The following TOGARAM1 variants were observed in gnomAD, a reference collection of about 807,000 sequenced individuals.
TOGARAM1 encodes TOG array regulator of axonemal microtubules 1, also known as TOG array regulator of axonemal microtubules protein 1.
TOGARAM1 carries 100 observed loss-of-function variants against 166.6 expected under a neutral mutation model. The ratio of observed to expected loss-of-function variants is 0.60; its 90% CI spans 0.51 to 0.71. The LOEUF (loss-of-function observed/expected upper bound fraction) is 0.71. Ranked by LOEUF, TOGARAM1 falls within the 30% of genes least tolerant of loss-of-function variation. The probability of loss-of-function intolerance (pLI) is 0.00; values close to 1 mark genes in which losing one functional copy is unlikely to be tolerated. For synonymous variants in TOGARAM1, 758 were observed against 763.8 expected (o/e 0.99, Z 0.13); for missense variants, 2,029 against 2,102.7 (o/e 0.96, Z 0.69).
chr14:44,978,106 A>G (rs1245576932), intron 1 of TOGARAM1: 4 of 152,234 alleles, frequency 2.6e-5, no homozygotes, highest in East Asian at 1.9e-4. Flanking sequence ...CAAAATCGTT[A>G]TAAGTTTTTA....
At position 45,045,561 on chromosome 14, in the gene TOGARAM1, ATATATATATATATATATATATATGTGTG is replaced by A. The variant is rs1181774142; in HGVS notation, c.4154+693_4154+720del. Among the ~76,000 whole-genome samples the A allele has an allele frequency of 2.6e-4, 12 of 46,316 alleles. 2 individuals are homozygous for A. Among genetic ancestry groups the A allele is most frequent in the South Asian group, 6.7e-4 (1 of 1,488 alleles). 30.4% of individuals were successfully genotyped at this position (46,316 alleles called of 152,430 possible). Reference sequence around the variant, plus strand: ...TGTGTGTGTATATATATATATATATATATATATATATATATATATATATGTGTGTGTGTGTGTGTGTGTGTGTGTGTGT... The same window carrying A: ...TGTGTGTGTATATATATATATATATATGTGTGTGTGTGTGTGTGTGTGTGT... On this transcript the variant is annotated intron_variant, in intron 13 of 19. Coordinates refer to ENST00000361462, the MANE Select transcript of TOGARAM1 (RefSeq NM_001308120.2).
chr14:45,068,293 G>A (rs983063647), intron 17 of TOGARAM1, 131 bp from the exon 18 acceptor site: 28 of 589,782 alleles, frequency 4.7e-5, no homozygotes, highest in Non-Finnish European at 5.9e-5. Context: ...CCAAGTTCAG[G>A]CAAAATAGGA....
chr14:45,052,931 A>G (rs1179160744), intron 15 of TOGARAM1, among the ~76,000 whole-genome samples: 1 of 151,932 alleles, frequency 6.6e-6, no homozygotes, highest in East Asian at 1.9e-4. Context: ...AATGTTTACC[A>G]TGTTTAGTCC....
intron 7 of TOGARAM1, among the ~76,000 whole-genome samples, chr14:45,016,572 T>C (rs1422223026): frequency 6.6e-6 from 1 of 152,136 alleles, no homozygotes; most frequent in Non-Finnish European, 1.5e-5. Flanking sequence ...TTAATTTTAA[T>C]TTTTGATGGA....
At chr14:45,065,591 A>G (rs2139001164) in intron 16 of TOGARAM1, among the ~76,000 whole-genome samples, 1 of 152,304 alleles carries the variant, frequency 6.6e-6, no homozygotes, top group Non-Finnish European at 1.5e-5. Context: ...TGCTATGAAT[A>G]CTGTCATTGC....
At chr14:45,008,239 C>CTTTTTTTTTTTTTTTTT in intron 5 of TOGARAM1, 1 of 134,144 alleles carries the variant, frequency 7.5e-6, no homozygotes, top group Non-Finnish European at 1.6e-5. Context: ...TCTGGATTTC[C>CTTTTTTTTTTTTTTTTT]TTTTTTTTTT....
intron 7 of TOGARAM1, among the ~76,000 whole-genome samples, chr14:45,023,318 G>A (rs1447224699): frequency 3.9e-5 from 6 of 152,182 alleles, no homozygotes; most frequent in African/African-American, 1.4e-4. Flanking sequence ...TTGCACAAGT[G>A]TGCAGTCGCA....
At chr14:44,991,805 G>T (rs1013659050) in intron 1 of TOGARAM1, among the ~76,000 whole-genome samples, 1 of 151,722 alleles carries the variant, frequency 6.6e-6, no homozygotes, top group African/African-American at 2.4e-5. Context: ...TTATCAGTAG[G>T]ATTCTACTGA....
chr14:44,969,339 G>A (rs184891433), intron 1 of TOGARAM1, among the ~76,000 whole-genome samples: 362 of 151,908 alleles, frequency 2.4e-3, no homozygotes, highest in Admixed American at 5.0e-3. Flanking sequence ...TTTTAGTAGA[G>A]ACGGGATTTC....
At chr14:44,975,983 G>C (rs1323555524) in intron 1 of TOGARAM1, among the ~76,000 whole-genome samples, 1 of 151,828 alleles carries the variant, frequency 6.6e-6, no homozygotes, top group Non-Finnish European at 1.5e-5. Context: ...TTCTAGCCCT[G>C]TTTATAGATT....
intron 16 of TOGARAM1, among the ~76,000 whole-genome samples, chr14:45,060,296 A>G (rs1433231585): frequency 6.7e-6 from 1 of 149,546 alleles, no homozygotes; most frequent in Non-Finnish European, 1.5e-5. Flanking sequence ...GCTCACTGCA[A>G]CCTCCACCTT....
rs913871730 is a variant in TOGARAM1 at position 44,964,303 on chromosome 14, G to A, written c.1882G>A (p.Asp628Asn). Residue 628 changes from aspartate to asparagine, a missense_variant, in exon 1 of 20, where the codon GAC (aspartate) becomes AAC (asparagine). Asp to Asn is a conservative substitution (Grantham distance 23). Around this residue, in one of 2 missense-constraint regions of TOGARAM1, gnomAD observed 1,453 missense variants for 1,432.2 expected, o/e 1.01. Transcript: ENST00000361462. ...RTQSAHCHCG[D>N]HVRDSMHIYG... is the part of the protein sequence containing the mutation. ...TCAGAGTGCACACTGTCACTGTGGTGACCACGTGAGGGATAGCATGCACAT... is the reference window on the plus strand; with the variant it reads ...TCAGAGTGCACACTGTCACTGTGGTAACCACGTGAGGGATAGCATGCACAT... The A allele has an allele frequency of 1.2e-6, 2 of 1,614,024 alleles. No individual in the cohort carries two copies. Among genetic ancestry groups the A allele is most frequent in the African/African-American group, 2.7e-5 (2 of 74,920 alleles).
At chr14:44,965,248 T>C (rs979967382) in intron 1 of TOGARAM1, among the ~76,000 whole-genome samples, 5 of 152,214 alleles carry the variant, frequency 3.3e-5, no homozygotes, top group African/African-American at 1.2e-4. Context: ...TAAATCATTA[T>C]TGCACCTAAG....
chr14:45,041,087 A>G (rs1199904376), intron 11 of TOGARAM1, among the ~76,000 whole-genome samples: 1 of 151,260 alleles, frequency 6.6e-6, no homozygotes, highest in Non-Finnish European at 1.5e-5. Context: ...TCTATTCATG[A>G]AATTGAATTT....
In TOGARAM1 at chr14:44,984,848, A is replaced by C. The variant is rs151029401; in HGVS notation, c.2047-10898A>C. Among the ~76,000 whole-genome samples, 622 of 152,268 alleles carry C rather than the reference A, an allele frequency of 4.1e-3. 3 individuals are homozygous for C. Among genetic ancestry groups the C allele is most frequent in the South Asian group, 0.019 (91 of 4,830 alleles). ...AAAAAGAGCTATACCAGTTCCCTTA[A>C]TAATGGGCAAAGCATATCGATTACC... is the stretch of plus-strand genomic sequence containing the variant. On this transcript the variant is annotated intron_variant, in intron 1 of 19. Transcript: ENST00000361462.
At chr14:45,005,741 C>T (rs1236567845) in intron 4 of TOGARAM1, among the ~76,000 whole-genome samples, 5 of 152,176 alleles carry the variant, frequency 3.3e-5, no homozygotes, top group Non-Finnish European at 5.9e-5. Flanking sequence ...GTCCAGTGTT[C>T]AATTTATGGC....
At chr14:45,048,179 C>G (rs746406749) in intron 14 of TOGARAM1, among the ~76,000 whole-genome samples, 2 of 151,572 alleles carry the variant, frequency 1.3e-5, no homozygotes, top group Non-Finnish European at 2.9e-5. Context: ...TGGTGAAACC[C>G]CATCTCTACT....
At chr14:45,040,244 AC>A (rs1881659399) in intron 11 of TOGARAM1, among the ~76,000 whole-genome samples, 1 of 152,242 alleles carries the variant, frequency 6.6e-6, no homozygotes, top group Non-Finnish European at 1.5e-5. Context: ...AAGGAAAATT[AC>A]AAACTATTTT....
intron 11 of TOGARAM1, among the ~76,000 whole-genome samples, chr14:45,032,936 T>C (rs1881243464): frequency 3.3e-5 from 5 of 152,188 alleles, no homozygotes; most frequent in Admixed American, 3.3e-4. Flanking sequence ...CTTTAAAATA[T>C]GCCATAATAT....
Sources: gnomAD v4.1 joint callset for allele counts (sites outside exome capture counted in the v4.1 genomes callset) on GRCh38, gnomAD v4.1.1 for gene constraint, gnomAD v4.1.1 regional missense constraint, MANE v1.5 for transcripts, NCBI Gene and HGNC (gene_info 2026-07-23, HGNC 2026-07-21) for gene names.